Variants in PIBF1 observed in about 807,000 individuals in gnomAD.
The protein encoded by PIBF1 is progesterone-induced-blocking factor 1.
PIBF1 carries 90 observed loss-of-function variants against 112.5 expected under a neutral mutation model. The observed-to-expected ratio is 0.80, with a 90% CI of 0.67 to 0.95. The LOEUF (loss-of-function observed/expected upper bound fraction) is 0.95, where lower values mean the gene tolerates loss of function less well. Among genes scored for constraint, PIBF1 ranks in the 40% least tolerant of loss-of-function variants. The pLI, the probability that PIBF1 is intolerant of heterozygous loss-of-function variation, is 0.00. For missense variants in PIBF1, 915 were observed against 852.3 expected (o/e 1.07, Z -0.92); for synonymous variants, 301 against 288.6 (o/e 1.04, Z -0.44).
intron 16 of PIBF1, among the ~76,000 whole-genome samples, chr13:72,985,525 C>T (rs2043260466): frequency 6.6e-6 from 1 of 151,450 alleles, no homozygotes; most frequent in East Asian, 2.0e-4. Flanking sequence ...GCGTGGGCAA[C>T]AGGGTGAGAC....
intron 16 of PIBF1, among the ~76,000 whole-genome samples, chr13:72,992,490 A>G (rs973581316): frequency 6.6e-6 from 1 of 152,124 alleles, no homozygotes; most frequent in Non-Finnish European, 1.5e-5. Context: ...TACACAAATT[A>G]TCGCATCCAC....
chr13:72,929,606 G>T (rs1161179765), intron 13 of PIBF1, among the ~76,000 whole-genome samples: 2 of 152,004 alleles, frequency 1.3e-5, no homozygotes, highest in Non-Finnish European at 2.9e-5. Flanking sequence ...TCATTGAATT[G>T]TACACTTTAA....
chr13:72,824,140 AGTAGCTGGGACTACAG>A (rs1288534284), intron 6 of PIBF1, among the ~76,000 whole-genome samples: 1 of 151,746 alleles, frequency 6.6e-6, no homozygotes, highest in African/African-American at 2.4e-5. Context: ...CAGCCTCCCA[AGTAGCTGGGACTACAG>A]GTGTGCGCCA....
chr13:72,935,660 A>G (rs568317199), intron 14 of PIBF1, among the ~76,000 whole-genome samples: 22 of 152,230 alleles, frequency 1.4e-4, no homozygotes, highest in Non-Finnish European at 2.9e-4. Flanking sequence ...ATTTCCACCA[A>G]TAATGTATGA....
chr13:72,801,742 T>A (rs1047500139), intron 5 of PIBF1, among the ~76,000 whole-genome samples: 2 of 152,162 alleles, frequency 1.3e-5, no homozygotes, highest in African/African-American at 4.8e-5. Context: ...AAAAAGTGAT[T>A]TCTCGCAGTT....
intron 14 of PIBF1, among the ~76,000 whole-genome samples, chr13:72,957,354 G>A (rs1004751865): frequency 2.0e-5 from 3 of 151,990 alleles, no homozygotes; most frequent in Non-Finnish European, 4.4e-5. Context: ...ATGAAATAAC[G>A]GCATTCACAC....
intron 11 of PIBF1, among the ~76,000 whole-genome samples, chr13:72,903,355 G>A (rs1327687784): frequency 6.6e-6 from 1 of 152,172 alleles, no homozygotes; most frequent in Non-Finnish European, 1.5e-5. Flanking sequence ...ATAGTATGCA[G>A]TACTTTGTAA....
intron 16 of PIBF1, among the ~76,000 whole-genome samples, chr13:72,987,448 A>G (rs566022559): frequency 4.0e-5 from 6 of 151,860 alleles, no homozygotes; most frequent in Non-Finnish European, 7.4e-5. Context: ...TCTTAATTGT[A>G]TAGAGAGACT....
intron 10 of PIBF1, among the ~76,000 whole-genome samples, chr13:72,854,654 C>A (rs1020815144): frequency 6.6e-6 from 1 of 152,106 alleles, no homozygotes; most frequent in Non-Finnish European, 1.5e-5. Context: ...TTGTTACTAT[C>A]GTGAATAAAG....
intron 9 of PIBF1, among the ~76,000 whole-genome samples, chr13:72,836,454 C>G (rs982719959): frequency 3.9e-5 from 6 of 152,016 alleles, no homozygotes; most frequent in African/African-American, 1.4e-4. Context: ...TATGTCCACC[C>G]CTCAATTCCA....
intron 10 of PIBF1, among the ~76,000 whole-genome samples, chr13:72,882,087 A>C (rs190170690): frequency 4.6e-5 from 7 of 152,284 alleles, no homozygotes; most frequent in Non-Finnish European, 2.9e-5. Context: ...GCATAAAAAC[A>C]GACACACAGA....
At chr13:72,913,617 A>G (rs1680178492) in intron 12 of PIBF1, among the ~76,000 whole-genome samples, 2 of 152,108 alleles carry the variant, frequency 1.3e-5, no homozygotes, top group Non-Finnish European at 2.9e-5. Context: ...CTCTACAAAA[A>G]AATAAAAAAT....
intron 4 of PIBF1, among the ~76,000 whole-genome samples, chr13:72,797,617 A>G (rs1269619932): frequency 6.6e-6 from 1 of 152,210 alleles, no homozygotes; most frequent in Non-Finnish European, 1.5e-5. Context: ...CCAGAAGTTT[A>G]CAAGCACCTA....
At chr13:73,005,919 CT>C (rs34315714) in intron 17 of PIBF1, among the ~76,000 whole-genome samples, 97 of 132,784 alleles carry the variant, frequency 7.3e-4, no homozygotes, top group African/African-American at 1.1e-3. Context: ...TCTGGTTTCA[CT>C]TTTTTTTTTT....
At chr13:72,830,464 T>G (rs1026692776) in intron 8 of PIBF1, among the ~76,000 whole-genome samples, 1 of 152,162 alleles carries the variant, frequency 6.6e-6, no homozygotes, top group African/African-American at 2.4e-5. Context: ...ATACCCAGTT[T>G]ATTGAGAGTT....
chr13:72,964,944 C>G (rs191282775), intron 14 of PIBF1, among the ~76,000 whole-genome samples: 16 of 152,206 alleles, frequency 1.1e-4, no homozygotes, highest in Admixed American at 9.8e-4. Flanking sequence ...CACCTGTAAT[C>G]CCAGCTACTC....
chr13:72,933,108 CA>C (rs1194792994), intron 14 of PIBF1, among the ~76,000 whole-genome samples: 2 of 152,160 alleles, frequency 1.3e-5, no homozygotes, highest in African/African-American at 4.8e-5. Context: ...AACAAACAAA[CA>C]AACCTCTGTT....
chr13:72,836,597 G>C (rs1362618194), intron 9 of PIBF1, among the ~76,000 whole-genome samples: 1 of 152,086 alleles, frequency 6.6e-6, no homozygotes, highest in African/African-American at 2.4e-5. Context: ...TTAAATTACT[G>C]TTAAATTGTT....
intron 6 of PIBF1, among the ~76,000 whole-genome samples, chr13:72,825,538 G>A (rs1566319084): frequency 6.6e-6 from 1 of 152,136 alleles, no homozygotes; most frequent in African/African-American, 2.4e-5. Flanking sequence ...AGTATACAGA[G>A]GACTGACTGT....
Sources: allele counts gnomAD v4.1 joint callset (sites outside exome capture counted in the v4.1 genomes callset), GRCh38; gene constraint gnomAD v4.1.1; transcripts MANE v1.5; gene names NCBI Gene and HGNC (gene_info 2026-07-23, HGNC 2026-07-21).